The following ZNF721 variants were observed in gnomAD, a reference collection of about 807,000 sequenced individuals.
The protein encoded by ZNF721 is zinc finger protein 721.
In ZNF721, 2 loss-of-function variants were observed where a neutral mutation model predicts 2.4. The ratio of observed to expected loss-of-function variants is 0.82; its 90% CI spans 0.34 to 2.58. ZNF721 has a LOEUF of 2.58. Ranked by LOEUF, ZNF721 falls within the 30% of genes most tolerant of loss-of-function variation. ZNF721 has a pLI of 0.11. For missense variants in ZNF721, 1,187 were observed against 1,085.5 expected, an observed-to-expected ratio of 1.09 and a Z score of -1.31; for synonymous variants, 398 against 381.8, an observed-to-expected ratio of 1.04 and a Z score of -0.50.
At chr4:480,961 C>T (rs1715756851) in intron 1 of ZNF721, among the ~76,000 whole-genome samples, 1 of 152,046 alleles carries the variant, frequency 6.6e-6, no homozygotes, top group Admixed American at 6.6e-5. Context: ...CTTACTTTTC[C>T]ACACAGGCTG....
At chr4:489,485 C>T (rs1210838773) in intron 1 of ZNF721, among the ~76,000 whole-genome samples, 4 of 152,204 alleles carry the variant, frequency 2.6e-5, no homozygotes, top group African/African-American at 4.8e-5. Flanking sequence ...ACCACCACAC[C>T]GGCACCAAAC....
At chr4:480,398 T>C (rs1553869216) in intron 1 of ZNF721, among the ~76,000 whole-genome samples, 1 of 152,236 alleles carries the variant, frequency 6.6e-6, no homozygotes, top group African/African-American at 2.4e-5. Flanking sequence ...TTTCACAAAT[T>C]TTTAACTGTC....
intron 2 of ZNF721, among the ~76,000 whole-genome samples, chr4:460,754 T>C (rs1295097164): frequency 2.0e-5 from 3 of 150,160 alleles, no homozygotes; most frequent in Non-Finnish European, 4.4e-5. Flanking sequence ...CAATGAAAAA[T>C]GATAAAGGGG....
chr4:498,685 T>G (rs1194521645), intron 1 of ZNF721, among the ~76,000 whole-genome samples: 1 of 151,592 alleles, frequency 6.6e-6, no homozygotes, highest in Non-Finnish European at 1.5e-5. Flanking sequence ...AGTTAATCAT[T>G]AAGATATTTA....
chr4:447,330 T>C (rs1714509840), intron 2 of ZNF721, among the ~76,000 whole-genome samples: 1 of 151,602 alleles, frequency 6.6e-6, no homozygotes, highest in African/African-American at 2.4e-5. Flanking sequence ...TCAAAATAAA[T>C]AAATAAATAA....
chr4:468,027 C>T (rs1553866986), intron 2 of ZNF721, among the ~76,000 whole-genome samples: 1 of 152,148 alleles, frequency 6.6e-6, no homozygotes, highest in African/African-American at 2.4e-5. Flanking sequence ...CACCTGTAAT[C>T]CCAGCACTTT....
chr4:482,217 G>A (rs1295408222), intron 1 of ZNF721, among the ~76,000 whole-genome samples: 1 of 152,194 alleles, frequency 6.6e-6, no homozygotes, highest in Non-Finnish European at 1.5e-5. Flanking sequence ...TGGCTGGAGT[G>A]CAATGGCGCC....
intron 1 of ZNF721, among the ~76,000 whole-genome samples, chr4:497,134 TG>T (rs1433415721): frequency 2.6e-5 from 4 of 151,634 alleles, no homozygotes; most frequent in Non-Finnish European, 4.4e-5. Flanking sequence ...TACCTAGTGA[TG>T]GGGCTCAAGC....
At chr4:450,890 T>C (rs1360012875) in intron 2 of ZNF721, among the ~76,000 whole-genome samples, 18 of 135,464 alleles carry the variant, frequency 1.3e-4, no homozygotes, top group Admixed American at 2.5e-4. Context: ...TGAGCCGAGA[T>C]TGCACCACTG....
chr4:456,050 TTTTATTTA>T (rs59869428), intron 2 of ZNF721, among the ~76,000 whole-genome samples: 160 of 144,406 alleles, frequency 1.1e-3, no homozygotes, highest in African/African-American at 3.3e-3. Flanking sequence ...CCAAAAAAAT[TTTTATTTA>T]TTTATTTATT....
In ZNF721 at chr4:443,525, A is replaced by G. The variant is rs1553863676; in HGVS notation, c.942T>C (p.Phe314=). 4 of 1,614,022 alleles carry G rather than the reference A, an allele frequency of 2.5e-6. No homozygotes were observed. In the South Asian group the frequency reaches 4.4e-5, roughly 18 times the overall value. ...PYTCEVCGKA[F]RQSANLYVHR... Reference sequence around the variant, plus strand: ...GTACATAAAGGTTTGCGGACTGTCTAAAGGCTTTGCCACATACTTCACATG... The same window carrying G: ...GTACATAAAGGTTTGCGGACTGTCTGAAGGCTTTGCCACATACTTCACATG... Residue 314 remains phenylalanine (F), a synonymous_variant, in exon 3 of 3, where the codon TTT becomes TTC. Transcript: ENST00000511833.
At chr4:480,889 T>G (rs1162332819) in intron 1 of ZNF721, among the ~76,000 whole-genome samples, 1 of 150,328 alleles carries the variant, frequency 6.7e-6, no homozygotes, top group Non-Finnish European at 1.5e-5. Flanking sequence ...CTGCTTTGCA[T>G]ACATAGATAC....
intron 2 of ZNF721, among the ~76,000 whole-genome samples, chr4:470,460 C>G (rs1176386076): frequency 6.6e-6 from 1 of 152,046 alleles, no homozygotes; most frequent in Non-Finnish European, 1.5e-5. Flanking sequence ...TACCTGATAA[C>G]AAGTTAATTT....
chr4:493,954 T>C (rs781999698), intron 1 of ZNF721, among the ~76,000 whole-genome samples: 3 of 152,198 alleles, frequency 2.0e-5, no homozygotes, highest in African/African-American at 4.8e-5. Context: ...CTAATATTAC[T>C]TTGCCAATAA....
Position 441,228 on chromosome 4 carries a change from TAC to T in ZNF721, c.*465_*466del, listed in dbSNP as rs1236089567. 6.4e-6 allele frequency: 1 copy of T among 156,592 alleles called. No homozygotes were observed. Among genetic ancestry groups the T allele is most frequent in the Non-Finnish European group, 1.4e-5 (1 of 70,844 alleles). The allele number at this position is 156,592 out of a possible 1,614,324, so 9.7% of individuals were successfully genotyped here. A position where few individuals can be genotyped will look rare whatever the true frequency, so the allele number is the denominator to read the frequency against. ...TTCTAAAAGGTCTTTCAACAGAAATTACATTTATAATGCTTTTATTAACTATA... is the reference window on the plus strand; with the variant it reads ...TTCTAAAAGGTCTTTCAACAGAAATTATTTATAATGCTTTTATTAACTATA... On this transcript the variant is annotated 3_prime_UTR_variant, in exon 3 of 3. Coordinates refer to ENST00000511833, the MANE Select transcript of ZNF721 (RefSeq NM_133474.4).
At chr4:457,267 ACCCACAACTTCTACAGTT>A (rs2108699759) in intron 2 of ZNF721, among the ~76,000 whole-genome samples, 1 of 152,314 alleles carries the variant, frequency 6.6e-6, no homozygotes, top group Non-Finnish European at 1.5e-5. Flanking sequence ...GAGGTTCTCT[ACCCACAACTTCTACAGTT>A]ATAAAAAAGC....
chr4:458,120 G>A (rs756278088), intron 2 of ZNF721, among the ~76,000 whole-genome samples: 2 of 152,214 alleles, frequency 1.3e-5, no homozygotes, highest in Non-Finnish European at 2.9e-5. Flanking sequence ...GCGACACAGC[G>A]GGAGCCACAC....
At chr4:455,845 C>T (rs926807490) in intron 2 of ZNF721, among the ~76,000 whole-genome samples, 26 of 152,088 alleles carry the variant, frequency 1.7e-4, no homozygotes, top group African/African-American at 5.8e-4. Flanking sequence ...AGACTGTACA[C>T]TTGAAAACCT....
At chr4:479,097 G>C (rs1715709152) in intron 1 of ZNF721, among the ~76,000 whole-genome samples, 1 of 152,166 alleles carries the variant, frequency 6.6e-6, no homozygotes, top group African/African-American at 2.4e-5. Context: ...TCAATATTGA[G>C]TTTTTAAATA....
Sources: allele counts gnomAD v4.1 joint callset (sites outside exome capture counted in the v4.1 genomes callset), GRCh38; gene constraint gnomAD v4.1.1; transcripts MANE v1.5; gene names NCBI Gene and HGNC (gene_info 2026-07-23, HGNC 2026-07-21).